Variants in METTL15 observed in about 807,000 individuals in gnomAD.
METTL15 encodes the protein methyltransferase 15, mitochondrial 12S rRNA N4-cytidine.
A neutral mutation model predicts 38.3 loss-of-function variants in METTL15; 34 were observed. The ratio of observed to expected loss-of-function variants is 0.89; its 90% CI spans 0.68 to 1.18. METTL15 has a LOEUF of 1.18. METTL15 is among the 50% of genes most tolerant of loss of function. METTL15 has a pLI of 0.00. For synonymous variants in METTL15, 162 were observed against 170.9 expected (o/e 0.95, Z 0.41); for missense variants, 438 against 498.4 (o/e 0.88, Z 1.15).
intron 4 of METTL15, among the ~76,000 whole-genome samples, chr11:28,287,905 C>T (rs1194329362): frequency 6.6e-6 from 1 of 151,806 alleles, no homozygotes; most frequent in South Asian, 2.1e-4. Context: ...AAATCTCCTT[C>T]TCACAGCCCC....
chr11:28,532,169 T>C, the METTL15 span, among the ~76,000 whole-genome samples: 1 of 152,110 alleles, frequency 6.6e-6, no homozygotes, highest in East Asian at 1.9e-4. Context: ...TTCAGGGACT[T>C]ATATTTTTGA....
chr11:28,235,151 T>G (rs1289489595), intron 4 of METTL15, among the ~76,000 whole-genome samples: 2 of 152,292 alleles, frequency 1.3e-5, no homozygotes, highest in East Asian at 1.9e-4. Context: ...GTCTGTTCTG[T>G]TCCATTGATC....
intron 6 of METTL15, among the ~76,000 whole-genome samples, chr11:28,434,935 G>A (rs986416891): frequency 6.6e-6 from 1 of 152,188 alleles, no homozygotes; most frequent in Non-Finnish European, 1.5e-5. Context: ...AGGCAGAAAT[G>A]CATGAGCAAA....
intron 6 of METTL15, among the ~76,000 whole-genome samples, chr11:28,505,082 G>T (rs1290828113): frequency 6.6e-6 from 1 of 152,188 alleles, no homozygotes; most frequent in African/African-American, 2.4e-5. Flanking sequence ...AGCCAGGACT[G>T]GACCTGGTGG....
At chr11:28,493,927 A>C (rs1192585481) in intron 6 of METTL15, among the ~76,000 whole-genome samples, 2 of 152,224 alleles carry the variant, frequency 1.3e-5, no homozygotes, top group African/African-American at 4.8e-5. Flanking sequence ...GCAATATGAG[A>C]GAACTAGGAC....
intron 6 of METTL15, among the ~76,000 whole-genome samples, chr11:28,521,366 A>G (rs1564955322): frequency 6.6e-6 from 1 of 152,222 alleles, no homozygotes; most frequent in Non-Finnish European, 1.5e-5. Context: ...GGTAATTGGG[A>G]AAAGAAAAGC....
chr11:28,455,717 A>AT (rs1269532585), intron 6 of METTL15, among the ~76,000 whole-genome samples: 1 of 151,730 alleles, frequency 6.6e-6, no homozygotes, highest in African/African-American at 2.4e-5. Flanking sequence ...ATTTTATTTT[A>AT]TTTTTTTGAG....
intron 6 of METTL15, among the ~76,000 whole-genome samples, chr11:28,462,878 G>A (rs1009866449): frequency 6.6e-6 from 1 of 152,216 alleles, no homozygotes; most frequent in East Asian, 1.9e-4. Flanking sequence ...GTAAGATAGT[G>A]CCAATTTATG....
chr11:28,294,766 T>A (rs1293123885), intron 5 of METTL15, among the ~76,000 whole-genome samples: 1 of 152,172 alleles, frequency 6.6e-6, no homozygotes, highest in Non-Finnish European at 1.5e-5. Flanking sequence ...AACCTTCCAG[T>A]GTTGCACCTT....
chr11:28,369,998 C>T (rs191142056), intron 5 of METTL15, among the ~76,000 whole-genome samples: 1 of 152,216 alleles, frequency 6.6e-6, no homozygotes, highest in East Asian at 1.9e-4. Flanking sequence ...TTAATAGAGT[C>T]ACTTAATTTA....
At chr11:28,272,592 T>A (rs1855688669) in intron 4 of METTL15, among the ~76,000 whole-genome samples, 1 of 152,094 alleles carries the variant, frequency 6.6e-6, no homozygotes, top group South Asian at 2.1e-4. Context: ...AGGACAGGGA[T>A]AGCATCAGGA....
chr11:28,301,171 C>G (rs966675759), intron 6 of METTL15, among the ~76,000 whole-genome samples: 2 of 152,122 alleles, frequency 1.3e-5, no homozygotes, highest in African/African-American at 4.8e-5. Context: ...TTTGTTCCAG[C>G]CATATTGAAG....
chr11:28,246,061 G>A (rs1226280129), intron 4 of METTL15, among the ~76,000 whole-genome samples: 3 of 152,124 alleles, frequency 2.0e-5, no homozygotes, highest in Non-Finnish European at 4.4e-5. Context: ...AGGCGGCGAT[G>A]AAAAGAGGTT....
At chr11:28,221,932 A>T (rs1393197488) in intron 4 of METTL15, among the ~76,000 whole-genome samples, 3 of 152,042 alleles carry the variant, frequency 2.0e-5, no homozygotes, top group Non-Finnish European at 4.4e-5. Context: ...TCAGAGGGGT[A>T]CCTGGCCGTG....
intron 6 of METTL15, among the ~76,000 whole-genome samples, chr11:28,519,659 G>T (rs947878851): frequency 6.6e-6 from 1 of 152,158 alleles, no homozygotes; most frequent in Non-Finnish European, 1.5e-5. Context: ...AAGTGTGATG[G>T]TCAAGTGCAC....
At chr11:28,111,592 T>C (rs1241194481) in intron 2 of METTL15, among the ~76,000 whole-genome samples, 1 of 152,212 alleles carries the variant, frequency 6.6e-6, no homozygotes, top group Non-Finnish European at 1.5e-5. Flanking sequence ...TGGGCAATGT[T>C]TATAGCATGG....
rs71449174 is a variant in METTL15, at chr11:28,332,936, C to CAAAAAAA, written c.*2106_*2112dup. The CAAAAAAA allele has an allele frequency of 3.3e-4, 13 of 39,756 alleles. No individual in the cohort carries two copies. Among genetic ancestry groups the CAAAAAAA allele is most frequent in the African/African-American group, 1.5e-3 (9 of 6,132 alleles). 2.5% of individuals were successfully genotyped at this position (39,756 alleles called of 1,614,324 possible). On this transcript the variant is annotated 3_prime_UTR_variant, in exon 7 of 7. Transcript: ENST00000407364. Reference sequence around the variant, plus strand: ...TGAGCAACAGAACGAGACTCTGTCTCAAAAAAAAAAAAAAAAAGGAAGAAA... The same window carrying CAAAAAAA: ...TGAGCAACAGAACGAGACTCTGTCTCAAAAAAAAAAAAAAAAAAAAAAAAGGAAGAAA...
Position 28,362,770 on chromosome 11 carries a change from T to G in METTL15, c.*358+734T>G, listed in dbSNP as rs12290959. The stretch of plus-strand genomic sequence containing the variant: ...ACATTTTCTTTATCTAATCCACTGT[T>G]GATGGACACTTAGGTTGATTCCATG... On this transcript the variant is annotated intron_variant and NMD_transcript_variant, in intron 5 of 7. Transcript: ENST00000532947. Among the ~76,000 whole-genome samples, 1,047 of 152,344 alleles carry G rather than the reference T, an allele frequency of 6.9e-3. 6 individuals carry two copies. Among genetic ancestry groups the G allele is most frequent in the African/African-American group, 0.024 (980 of 41,572 alleles).
At chr11:28,334,303 C>A (rs186146603), downstream of METTL15, among the ~76,000 whole-genome samples, 127 of 152,058 alleles carry the variant, frequency 8.4e-4, 1 homozygote, top group Admixed American at 2.5e-3. Flanking sequence ...CCATGACAAA[C>A]TAAGCCTTAC....
Sources: gnomAD v4.1 joint callset for allele counts (sites outside exome capture counted in the v4.1 genomes callset) on GRCh38, gnomAD v4.1.1 for gene constraint, MANE v1.5 for transcripts, NCBI Gene and HGNC (gene_info 2026-07-23, HGNC 2026-07-21) for gene names.